Variants in ACER3 observed in about 807,000 individuals in gnomAD.
The protein encoded by ACER3 is alkaline ceramidase 3, also known as alkCDase 3.
A neutral mutation model predicts 48.9 loss-of-function variants in ACER3; 16 were observed. The ratio of observed to expected loss-of-function variants is 0.33; its 90% CI spans 0.22 to 0.50. The LOEUF is 0.50. Ranked by LOEUF, ACER3 falls within the 20% of genes least tolerant of loss-of-function variation. The pLI is 0.98. For synonymous variants in ACER3, 109 were observed against 107.8 expected (o/e 1.01, Z -0.07); for missense variants, 227 against 326.0 (o/e 0.70, Z 2.34).
chr11:76,861,526 C>T (rs1944938693), intron 1 of ACER3, among the ~76,000 whole-genome samples: 1 of 152,106 alleles, frequency 6.6e-6, no homozygotes, highest in South Asian at 2.1e-4. Flanking sequence ...GTCTTTCCCC[C>T]AATCCGTGAG....
At chr11:77,003,764 T>C (rs572239496) in intron 7 of ACER3, among the ~76,000 whole-genome samples, 8 of 152,332 alleles carry the variant, frequency 5.3e-5, no homozygotes, top group African/African-American at 1.9e-4. Flanking sequence ...TTCAGTTCAA[T>C]GTACTTTTTA....
intron 3 of ACER3, among the ~76,000 whole-genome samples, chr11:76,964,614 A>G (rs559562898): frequency 6.6e-6 from 1 of 151,112 alleles, no homozygotes; most frequent in East Asian, 1.9e-4. Flanking sequence ...CTGAGACAAA[A>G]CTTCCAGAGG....
chr11:76,969,136 T>A (rs1187182099), intron 3 of ACER3, among the ~76,000 whole-genome samples: 3 of 152,082 alleles, frequency 2.0e-5, no homozygotes, highest in Non-Finnish European at 2.9e-5. Context: ...GGGCAAAGGA[T>A]ATGAACAGAC....
intron 1 of ACER3, among the ~76,000 whole-genome samples, chr11:76,912,186 A>G (rs1946393917): frequency 6.6e-6 from 1 of 152,176 alleles, no homozygotes; most frequent in African/African-American, 2.4e-5. Context: ...AGTGATTGGT[A>G]TCCTTAGAAG....
chr11:76,959,083 T>C (rs1228337887), intron 3 of ACER3, 52 bp downstream of exon 3: 1 of 1,612,342 alleles, frequency 6.2e-7, no homozygotes. Flanking sequence ...TCAGAAGTAC[T>C]TCAGATTTGA....
intron 2 of ACER3, among the ~76,000 whole-genome samples, chr11:76,934,111 C>T (rs982094292): frequency 6.6e-6 from 1 of 151,924 alleles, no homozygotes; most frequent in African/African-American, 2.4e-5. Context: ...AGAGGCACTC[C>T]TCACTTCCTA....
chr11:76,979,908 G>T (rs937836483), intron 4 of ACER3, among the ~76,000 whole-genome samples: 14 of 151,974 alleles, frequency 9.2e-5, no homozygotes, highest in Non-Finnish European at 1.9e-4. Flanking sequence ...GGAGGCCAAG[G>T]TGGGAGGATC....
intron 2 of ACER3, among the ~76,000 whole-genome samples, chr11:76,943,755 C>A (rs1225688309): frequency 1.3e-5 from 2 of 150,672 alleles, no homozygotes; most frequent in African/African-American, 4.9e-5. Flanking sequence ...GAAGACCCCC[C>A]CCCCCACTAT....
Position 76,945,301 on chromosome 11 carries a change from G to A in ACER3, c.215-13678G>A, listed in dbSNP as rs140066055. On this transcript the variant is annotated intron_variant, in intron 2 of 10. Transcript: ENST00000532485. ...TTGTTCATGTTTCCCATGTCCTTCC[G>A]TTGATATCTAAACATCTGGTTTAGT... Among the ~76,000 whole-genome samples the A allele has an allele frequency of 8.2e-4, 125 of 152,014 alleles. No homozygotes were observed. In the East Asian group the frequency reaches 9.7e-3, roughly 12 times the overall value.
intron 1 of ACER3, among the ~76,000 whole-genome samples, chr11:76,894,979 G>A (rs552386433): frequency 1.3e-5 from 2 of 152,154 alleles, no homozygotes; most frequent in African/African-American, 4.8e-5. Context: ...TCCCAATGAG[G>A]TATTTTATGT....
intron 5 of ACER3, among the ~76,000 whole-genome samples, chr11:76,986,286 T>G (rs1948684128): frequency 6.6e-6 from 1 of 152,182 alleles, no homozygotes; most frequent in South Asian, 2.1e-4. Context: ...TGTTAGAGAT[T>G]TTAGACATGT....
chr11:76,911,776 CA>C (rs899407285), intron 1 of ACER3, among the ~76,000 whole-genome samples: 3 of 152,060 alleles, frequency 2.0e-5, no homozygotes, highest in Non-Finnish European at 4.4e-5. Context: ...TATAAGTATC[CA>C]AAAAAGTATC....
At chr11:77,007,291 C>T (rs574495083) in intron 7 of ACER3, among the ~76,000 whole-genome samples, 53 of 152,272 alleles carry the variant, frequency 3.5e-4, no homozygotes, top group Non-Finnish European at 5.9e-4. Flanking sequence ...CAGCCCTGCT[C>T]TCTTCCTCCT....
chr11:77,001,409 C>T (rs2135270763), intron 7 of ACER3, among the ~76,000 whole-genome samples: 1 of 152,244 alleles, frequency 6.6e-6, no homozygotes, highest in Middle Eastern at 3.4e-3. Context: ...GCGCCCACCA[C>T]CATGCCCAGC....
In ACER3 at chr11:77,021,305, A is replaced by G. The variant is rs1468388950; in HGVS notation, c.*978A>G. The G allele has an allele frequency of 1.3e-5, 2 of 152,220 alleles. No individual in the cohort carries two copies. Among genetic ancestry groups the G allele is most frequent in the East Asian group, 3.8e-4 (2 of 5,200 alleles). 9.4% of individuals were successfully genotyped at this position (152,220 alleles called of 1,614,324 possible). A position where few individuals can be genotyped will look rare whatever the true frequency, so the allele number is the denominator to read the frequency against. ...TGCATTAACTAAAGCTAAAATTATC[A>G]GAATCCTATTTACATAAAGCATATT... On this transcript the variant is annotated 3_prime_UTR_variant, in exon 11 of 11. Transcript: ENST00000532485.
intron 2 of ACER3, among the ~76,000 whole-genome samples, chr11:76,944,930 T>G (rs1461213319): frequency 1.3e-5 from 2 of 152,060 alleles, no homozygotes. Flanking sequence ...TTTTGTCTGA[T>G]TGGATTATTT....
At chr11:76,872,729 G>T (rs747770401) in intron 1 of ACER3, among the ~76,000 whole-genome samples, 12 of 152,050 alleles carry the variant, frequency 7.9e-5, no homozygotes, top group Non-Finnish European at 1.6e-4. Context: ...GTTTTATTAT[G>T]GTGAAGATAC....
intron 3 of ACER3, among the ~76,000 whole-genome samples, chr11:76,965,819 G>A (rs1445838384): frequency 6.6e-6 from 1 of 151,186 alleles, no homozygotes; most frequent in Non-Finnish European, 1.5e-5. Context: ...CACTAAACAT[G>A]GAAAGGAACA....
intron 1 of ACER3, among the ~76,000 whole-genome samples, chr11:76,874,342 A>G (rs570203667): frequency 3.6e-4 from 55 of 152,256 alleles, no homozygotes; most frequent in African/African-American, 1.3e-3. Context: ...ACTGTGAAGT[A>G]CCTGGCAAAT....
Sources: gnomAD v4.1 joint callset for allele counts (sites outside exome capture counted in the v4.1 genomes callset) on GRCh38, gnomAD v4.1.1 for gene constraint, MANE v1.5 for transcripts, NCBI Gene and HGNC (gene_info 2026-07-23, HGNC 2026-07-21) for gene names.